Variants in ITPR2 observed in about 807,000 individuals in gnomAD.
ITPR2 encodes the protein inositol 1,4,5-trisphosphate-gated calcium channel ITPR2.
A neutral mutation model predicts 317.1 loss-of-function variants in ITPR2; 207 were observed. The ratio of observed to expected loss-of-function variants is 0.65; its 90% CI spans 0.58 to 0.73. The LOEUF (loss-of-function observed/expected upper bound fraction) is 0.73. Among genes scored for constraint, ITPR2 ranks in the 30% least tolerant of loss-of-function variants. ITPR2 has a pLI of 0.00. For missense variants in ITPR2, 2,613 were observed against 3,284.0 expected (o/e 0.80, Z 4.99); for synonymous variants, 1,156 against 1,149.1 (o/e 1.01, Z -0.12).
rs879422385 is a variant in ITPR2, at chr12:26,539,415, GT to G, written c.5073+10831del. Among the ~76,000 whole-genome samples the G allele has an allele frequency of 7.3e-3, 1,090 of 149,416 alleles. 14 individuals are homozygous for G. Among genetic ancestry groups the G allele is most frequent in the African/African-American group, 0.024 (978 of 40,810 alleles). On this transcript the variant is annotated intron_variant, in intron 37 of 56. Coordinates refer to ENST00000381340, the MANE Select transcript of ITPR2 (RefSeq NM_002223.4). ...CCATGTTCTCCTGGTTTTATAGTAA[GT>G]TTTTTTTTTTCCTGGTTCAAAGCCT... is the stretch of plus-strand genomic sequence containing the variant.
intron 37 of ITPR2, among the ~76,000 whole-genome samples, chr12:26,508,785 T>C (rs1175711930): frequency 3.9e-5 from 6 of 152,094 alleles, no homozygotes; most frequent in East Asian, 1.9e-4. Context: ...TGTGGAGAAA[T>C]TGGGACCCTC....
intron 37 of ITPR2, among the ~76,000 whole-genome samples, chr12:26,536,355 T>C (rs1944089459): frequency 6.6e-6 from 1 of 152,182 alleles, no homozygotes; most frequent in Non-Finnish European, 1.5e-5. Context: ...TTCCCTCTTC[T>C]ATGCTATTTT....
In ITPR2 at chr12:26,628,180, A is replaced by C; in HGVS notation, c.2935-18T>G. 6.4e-7 allele frequency: 1 copy of C among 1,571,068 alleles called. No homozygotes were observed. The highest frequency in any genetic ancestry group is 8.6e-7 in the Non-Finnish European group (1 of 1,156,244). Reference sequence around the variant, plus strand: ...AGGATAAACTATAAGAAACATTAAGAACAACATAAATTTCTTTCATTAGCA... The same window carrying C: ...AGGATAAACTATAAGAAACATTAAGCACAACATAAATTTCTTTCATTAGCA... On this transcript the variant is annotated intron_variant, in intron 22 of 56. Coordinates refer to ENST00000381340, the MANE Select transcript of ITPR2 (RefSeq NM_002223.4).
At chr12:26,801,140 C>A (rs1371279932) in intron 1 of ITPR2, 4 of 167,964 alleles carry the variant, frequency 2.4e-5, no homozygotes, top group South Asian at 2.9e-4. Context: ...CCCAGGAGGT[C>A]CTGCCCCAGG....
At chr12:26,370,566 A>C (rs931819123) in intron 55 of ITPR2, among the ~76,000 whole-genome samples, 2 of 152,332 alleles carry the variant, frequency 1.3e-5, no homozygotes, top group Middle Eastern at 3.4e-3. Context: ...ATTTTCCCCC[A>C]TGCGGAATTT....
chr12:26,431,615 T>A (rs1457869459), intron 48 of ITPR2, among the ~76,000 whole-genome samples: 1 of 152,200 alleles, frequency 6.6e-6, no homozygotes, highest in Non-Finnish European at 1.5e-5. Context: ...AGATTCTCTA[T>A]CTGCAGTAGA....
intron 45 of ITPR2, among the ~76,000 whole-genome samples, chr12:26,472,804 CCT>C (rs1470522774): frequency 6.6e-6 from 1 of 151,776 alleles, no homozygotes; most frequent in Admixed American, 6.6e-5. Flanking sequence ...CATTCTTTAC[CCT>C]CTTTGTCCAT....
At chr12:26,772,451 TATATATATAATACATGTATTATATATA>T (rs1414107954) in intron 2 of ITPR2, among the ~76,000 whole-genome samples, 4 of 59,626 alleles carry the variant, frequency 6.7e-5, no homozygotes, top group African/African-American at 1.5e-4. Flanking sequence ...TTATATATAT[TATATATATAATACATGTATTATATATA>T]ATATATATAA....
At chr12:26,365,115 A>C (rs946840324) in intron 55 of ITPR2, among the ~76,000 whole-genome samples, 2 of 152,194 alleles carry the variant, frequency 1.3e-5, no homozygotes, top group Non-Finnish European at 1.5e-5. Context: ...CACAGAAGGG[A>C]GTCATAGTTT....
intron 29 of ITPR2, among the ~76,000 whole-genome samples, chr12:26,599,671 C>T (rs993851842): frequency 5.9e-5 from 9 of 152,086 alleles, no homozygotes; most frequent in African/African-American, 1.9e-4. Flanking sequence ...GGGCAAACTC[C>T]ACCTCTGAGT....
chr12:26,710,447 T>A (rs1948626135), intron 9 of ITPR2, among the ~76,000 whole-genome samples: 1 of 152,192 alleles, frequency 6.6e-6, no homozygotes, highest in Non-Finnish European at 1.5e-5. Flanking sequence ...CTTCTCCCCA[T>A]CCTCTATCCA....
At chr12:26,609,230 T>C (rs1946208494) in intron 26 of ITPR2, among the ~76,000 whole-genome samples, 1 of 152,234 alleles carries the variant, frequency 6.6e-6, no homozygotes, top group South Asian at 2.1e-4. Flanking sequence ...AATCAATCAC[T>C]ATTATTTCCT....
chr12:26,351,842 A>G (rs1938493505), intron 55 of ITPR2, among the ~76,000 whole-genome samples: 1 of 152,210 alleles, frequency 6.6e-6, no homozygotes, highest in South Asian at 2.1e-4. Context: ...CCATATTTTA[A>G]TCTGAGTTAT....
At chr12:26,565,476 TAGAC>T (rs1475798568) in intron 34 of ITPR2, among the ~76,000 whole-genome samples, 4 of 148,920 alleles carry the variant, frequency 2.7e-5, no homozygotes, top group Non-Finnish European at 5.9e-5. Context: ...GATGAATAGA[TAGAC>T]AGATGATAGA....
intron 32 of ITPR2, among the ~76,000 whole-genome samples, chr12:26,594,488 A>G (rs969900642): frequency 6.6e-6 from 1 of 152,016 alleles, no homozygotes. Flanking sequence ...TAATTGAGAT[A>G]ATGAAAATAT....
At chr12:26,585,268 C>A (rs1237458171) in intron 32 of ITPR2, among the ~76,000 whole-genome samples, 3 of 152,040 alleles carry the variant, frequency 2.0e-5, no homozygotes, top group Admixed American at 6.5e-5. Context: ...CCCTTTTATA[C>A]TTCATGCTTA....
chr12:26,804,833 C>A (rs2137250440), intron 1 of ITPR2, among the ~76,000 whole-genome samples: 1 of 152,284 alleles, frequency 6.6e-6, no homozygotes, highest in South Asian at 2.1e-4. Flanking sequence ...CCTCCCTGTT[C>A]AAGCAATCAT....
chr12:26,733,418 A>T (rs1565725771), intron 2 of ITPR2, among the ~76,000 whole-genome samples: 1 of 152,140 alleles, frequency 6.6e-6, no homozygotes, highest in African/African-American at 2.4e-5. Flanking sequence ...CAGTCTTGCA[A>T]CACAACACAA....
chr12:26,439,437 G>T, intron 46 of ITPR2, 118 bp from the exon 47 acceptor site: 1 of 697,098 alleles, frequency 1.4e-6, no homozygotes, highest in Non-Finnish European at 2.3e-6. Flanking sequence ...GAAAAAATGT[G>T]CCAACTTGAA....
Sources: gnomAD v4.1 joint callset for allele counts (sites outside exome capture counted in the v4.1 genomes callset) on GRCh38, gnomAD v4.1.1 for gene constraint, MANE v1.5 for transcripts, NCBI Gene and HGNC (gene_info 2026-07-23, HGNC 2026-07-21) for gene names.